RBFOX1: variants seen among roughly 807,000 people sequenced by gnomAD.
The protein encoded by RBFOX1 is RNA binding fox-1 homolog 1.
In RBFOX1, 8 loss-of-function variants were observed where a neutral mutation model predicts 57.7. The ratio of observed to expected loss-of-function variants is 0.14; its 90% CI spans 0.08 to 0.25. The LOEUF (loss-of-function observed/expected upper bound fraction) is 0.25. RBFOX1 is among the 10% of genes least tolerant of loss of function. The probability of loss-of-function intolerance (pLI) is 1.00; values close to 1 mark genes in which losing one functional copy is unlikely to be tolerated. For synonymous variants in RBFOX1, 326 were observed against 222.4 expected, an observed-to-expected ratio of 1.47 and a Z score of -4.15; for missense variants, 611 against 548.5, an observed-to-expected ratio of 1.11 and a Z score of -1.14.
intron 4 of RBFOX1, among the ~76,000 whole-genome samples, chr16:5,987,384 C>T (rs192403899): frequency 3.3e-5 from 5 of 152,258 alleles, no homozygotes; most frequent in Non-Finnish European, 7.4e-5. Context: ...GGTTTTTAGT[C>T]TTGATGAAGT....
At chr16:7,197,110 G>C (rs542026144) in intron 4 of RBFOX1, among the ~76,000 whole-genome samples, 7 of 152,250 alleles carry the variant, frequency 4.6e-5, no homozygotes, top group Admixed American at 3.3e-4. Flanking sequence ...ATCTCTCCCA[G>C]TTATTCCTTC....
rs530410007 is a variant in RBFOX1 at position 7,477,838 on chromosome 16, G to A, written c.28-40309G>A. Among the ~76,000 whole-genome samples the A allele has an allele frequency of 6.6e-5, 10 of 152,262 alleles. 1 individual carries two copies. Among genetic ancestry groups the A allele is most frequent in the South Asian group, 4.1e-4 (2 of 4,828 alleles). ...AGACCCTGAGTCTAGGAAAATCTTC[G>A]AAAAATGCAGAGATAATATCAGAGG... On this transcript the variant is annotated intron_variant, in intron 4 of 15. Transcript: ENST00000550418.
chr16:7,150,839 AAGTT>A (rs1181121961), intron 4 of RBFOX1, among the ~76,000 whole-genome samples: 1 of 152,160 alleles, frequency 6.6e-6, no homozygotes, highest in African/African-American at 2.4e-5. Flanking sequence ...TCGCTGAGAA[AAGTT>A]AGTTAATGAT....
At chr16:6,171,278 A>G (rs2096958359) in intron 1 of RBFOX1, among the ~76,000 whole-genome samples, 1 of 152,200 alleles carries the variant, frequency 6.6e-6, no homozygotes, top group African/African-American at 2.4e-5. Flanking sequence ...TCAATCTATA[A>G]CACCAATTTC....
At chr16:7,405,445 G>T (rs958463133) in intron 4 of RBFOX1, among the ~76,000 whole-genome samples, 1 of 152,196 alleles carries the variant, frequency 6.6e-6, no homozygotes, top group African/African-American at 2.4e-5. Flanking sequence ...AGCTCCGGGC[G>T]AAGTGTGTTC....
At chr16:5,835,658 CCTT>C (rs1230283209) in intron 3 of RBFOX1, among the ~76,000 whole-genome samples, 1 of 152,170 alleles carries the variant, frequency 6.6e-6, no homozygotes, top group Non-Finnish European at 1.5e-5. Context: ...CTGCCTGGAC[CCTT>C]CTTCTTAAGG....
chr16:5,805,372 T>A (rs1359854170), intron 3 of RBFOX1, among the ~76,000 whole-genome samples: 1 of 152,214 alleles, frequency 6.6e-6, no homozygotes, highest in East Asian at 1.9e-4. Flanking sequence ...ATTAACTAGT[T>A]TAGAGCCTTG....
intron 3 of RBFOX1, among the ~76,000 whole-genome samples, chr16:7,000,662 T>C (rs2092709507): frequency 7.3e-6 from 1 of 136,984 alleles, no homozygotes. Flanking sequence ...TGGAGTGCAG[T>C]GGCATGATCT....
At chr16:5,800,991 G>T (rs1399817812) in intron 3 of RBFOX1, among the ~76,000 whole-genome samples, 1 of 152,176 alleles carries the variant, frequency 6.6e-6, no homozygotes, top group Admixed American at 6.5e-5. Flanking sequence ...TTAAGTGCAA[G>T]AGCAAGACAG....
chr16:5,273,213 G>T (rs1425637246), intron 1 of RBFOX1, among the ~76,000 whole-genome samples: 1 of 151,486 alleles, frequency 6.6e-6, no homozygotes, highest in Non-Finnish European at 1.5e-5. Context: ...TCAAAGCCAC[G>T]ATTGCTTTCA....
At chr16:5,431,909 G>T (rs934483033) in intron 1 of RBFOX1, among the ~76,000 whole-genome samples, 13 of 152,128 alleles carry the variant, frequency 8.5e-5, no homozygotes, top group African/African-American at 3.1e-4. Context: ...GAGGACCACA[G>T]TTCCAGTAGG....
intron 3 of RBFOX1, among the ~76,000 whole-genome samples, chr16:5,802,592 G>T (rs2151756429): frequency 6.6e-6 from 1 of 152,282 alleles, no homozygotes; most frequent in Middle Eastern, 3.4e-3. Context: ...TCTTTCTCTT[G>T]AAGAGGAGCA....
chr16:7,483,765 T>C lies in RBFOX1; in HGVS notation c.28-34382T>C, dbSNP rs934602457. Among the ~76,000 whole-genome samples the C allele has an allele frequency of 6.6e-5, 10 of 152,334 alleles. No individual in the cohort carries two copies. The East Asian group carries it at 1.7e-3, about 26-fold the overall frequency. On this transcript the variant is annotated intron_variant, in intron 4 of 15. Transcript: ENST00000550418. Reference sequence around the variant, plus strand: ...GGCTGTATGGCTTTGCATCCAGAGTTAAAAGCCAGGCCTGGGAATAATTAA... The same window carrying C: ...GGCTGTATGGCTTTGCATCCAGAGTCAAAAGCCAGGCCTGGGAATAATTAA...
intron 5 of RBFOX1, among the ~76,000 whole-genome samples, chr16:7,566,710 C>T (rs1230496274): frequency 1.3e-5 from 2 of 152,138 alleles, no homozygotes; most frequent in Non-Finnish European, 2.9e-5. Context: ...TGCTTATAAA[C>T]TACGAGTGGC....
At chr16:6,232,386 G>T (rs2097469474) in intron 1 of RBFOX1, among the ~76,000 whole-genome samples, 1 of 152,142 alleles carries the variant, frequency 6.6e-6, no homozygotes, top group Non-Finnish European at 1.5e-5. Context: ...TAAAATATGT[G>T]TTCTTTTGAA....
intron 12 of RBFOX1, among the ~76,000 whole-genome samples, chr16:7,661,893 G>A (rs981606410): frequency 6.6e-6 from 1 of 152,158 alleles, no homozygotes. Flanking sequence ...ATGGCAATCA[G>A]GTTACCCTAC....
At chr16:7,574,673 TTGAGGG>T (rs1450535560) in intron 5 of RBFOX1, among the ~76,000 whole-genome samples, 9 of 152,106 alleles carry the variant, frequency 5.9e-5, no homozygotes, top group Non-Finnish European at 1.2e-4. Context: ...CCCACCCAGA[TTGAGGG>T]TGGGTTGGCC....
intron 3 of RBFOX1, among the ~76,000 whole-genome samples, chr16:5,749,163 GA>G (rs1459743880): frequency 1.3e-5 from 2 of 152,094 alleles, no homozygotes; most frequent in Non-Finnish European, 2.9e-5. Context: ...GTTCTGGGTT[GA>G]AAATTCTTTA....
chr16:5,645,249 C>G (rs1247153234), intron 3 of RBFOX1, among the ~76,000 whole-genome samples: 1 of 105,232 alleles, frequency 9.5e-6, no homozygotes, highest in African/African-American at 3.7e-5. Flanking sequence ...AGTTCCATCT[C>G]AAAAAAACAA....
Sources: allele counts gnomAD v4.1 joint callset (sites outside exome capture counted in the v4.1 genomes callset), GRCh38; gene constraint gnomAD v4.1.1; transcripts MANE v1.5; gene names NCBI Gene and HGNC (gene_info 2026-07-23, HGNC 2026-07-21).